Variants in ATP10B observed in about 807,000 individuals in gnomAD.
ATP10B encodes ATPase phospholipid transporting 10B (putative).
A neutral mutation model predicts 141.2 loss-of-function variants in ATP10B; 122 were observed. The ratio of observed to expected loss-of-function variants is 0.86; its 90% CI spans 0.75 to 1.00. The LOEUF (loss-of-function observed/expected upper bound fraction) is 1.00, where lower values mean the gene tolerates loss of function less well. Ranked by LOEUF, ATP10B falls within the 50% of genes least tolerant of loss-of-function variation. The pLI is 0.00. For missense variants in ATP10B, 1,876 were observed against 1,825.3 expected (o/e 1.03, Z -0.51); for synonymous variants, 685 against 692.0 (o/e 0.99, Z 0.16).
chr5:160,812,815 G>C (rs1229219885), intron 1 of ATP10B, among the ~76,000 whole-genome samples: 1 of 152,200 alleles, frequency 6.6e-6, no homozygotes, highest in Admixed American at 6.5e-5. Flanking sequence ...AAAAGTGATA[G>C]AGGAAGAGAT....
At chr5:160,863,762 A>T in the ATP10B span, among the ~76,000 whole-genome samples, 1 of 152,074 alleles carries the variant, frequency 6.6e-6, no homozygotes, top group African/African-American at 2.4e-5. Context: ...GAAACTAGAG[A>T]CATTACAATT....
At chr5:160,847,293 CA>C (rs1378430887) in intron 1 of ATP10B, among the ~76,000 whole-genome samples, 12 of 152,168 alleles carry the variant, frequency 7.9e-5, no homozygotes, top group Non-Finnish European at 8.8e-5. Context: ...AAAGACAATG[CA>C]AGCTATTTTA....
chr5:160,777,050 G>T (rs1770384239), intron 2 of ATP10B, among the ~76,000 whole-genome samples: 1 of 152,174 alleles, frequency 6.6e-6, no homozygotes. Context: ...CTGATGTGAT[G>T]GCAAATTATA....
At chr5:160,689,015 A>G (rs908404039) in intron 3 of ATP10B, 72 bp from the exon 4 acceptor site, 32 of 855,786 alleles carry the variant, frequency 3.7e-5, no homozygotes, top group Non-Finnish European at 4.5e-5. Flanking sequence ...CAGCACATCA[A>G]AAAGCTTGTC....
At chr5:160,652,710 A>G (rs1283906086) in intron 7 of ATP10B, among the ~76,000 whole-genome samples, 1 of 125,830 alleles carries the variant, frequency 7.9e-6, no homozygotes, top group East Asian at 2.2e-4. Context: ...ATATACATAT[A>G]TAATTTATAT....
chr5:160,672,830 G>A (rs1762797937), intron 6 of ATP10B, among the ~76,000 whole-genome samples: 1 of 152,190 alleles, frequency 6.6e-6, no homozygotes, highest in African/African-American at 2.4e-5. Context: ...AAAAGTCCCT[G>A]AGGAGGAAGA....
At chr5:160,773,256 C>A (rs1770039267) in intron 2 of ATP10B, among the ~76,000 whole-genome samples, 1 of 152,136 alleles carries the variant, frequency 6.6e-6, no homozygotes, top group Non-Finnish European at 1.5e-5. Flanking sequence ...TAGTCGTAGT[C>A]TTAGCTAATG....
chr5:160,766,810 G>A (rs1443332432), intron 2 of ATP10B, among the ~76,000 whole-genome samples: 2 of 152,092 alleles, frequency 1.3e-5, no homozygotes. Context: ...AAAAGAATTA[G>A]CTTTAGAAAA....
At chr5:160,764,438 A>G (rs1769262010) in intron 2 of ATP10B, among the ~76,000 whole-genome samples, 1 of 152,196 alleles carries the variant, frequency 6.6e-6, no homozygotes, top group South Asian at 2.1e-4. Flanking sequence ...GATACACCAC[A>G]TAAACAGAAG....
chr5:160,565,646 A>G lies in ATP10B; in HGVS notation c.4193T>C (p.Leu1398Pro). Residue 1398 changes from leucine (L) to proline (P), a missense_variant, in exon 26 of 26, where the codon CTC becomes CCC. Physicochemically the swap from Leu to Pro is moderately conservative, Grantham distance 98. Transcript: ENST00000327245. ...PKRKHVEESV[L>P]HEQRCGTECM... ...CTCCGTGCCACATCTCTGTTCGTGG[A>G]GTACTGACTCTTCCACATGCTTCCT... 6.2e-7 allele frequency: 1 copy of G among 1,614,052 alleles called. No homozygotes were observed.
In ATP10B at chr5:160,607,026, G is replaced by A. The variant is rs566862266; in HGVS notation, c.2899C>T (p.Gln967Ter). 2 of 1,614,156 alleles carry A rather than the reference G, an allele frequency of 1.2e-6. 1 individual carries two copies. Among genetic ancestry groups the A allele is most frequent in the South Asian group, 2.2e-5 (2 of 91,078 alleles). ...CCAAAGAGCTTGCGGTCTGGCTTCTGTAGTTCACGAAATTGCTTTAGCTCT... is the reference window on the plus strand; with the variant it reads ...CCAAAGAGCTTGCGGTCTGGCTTCTATAGTTCACGAAATTGCTTTAGCTCT... ...LEELKQFREL[Q>*]KPDRKLFGFR... is the part of the protein sequence containing the mutation. The change falls in exon 19 of 26, where the codon CAG (glutamine) becomes TAG (stop). Residue 967 changes from glutamine (Q) to a stop codon, truncating the protein, a stop_gained. Transcript: ENST00000327245. LOFTEE classifies it high-confidence loss of function.
intron 17 of ATP10B, chr5:160,613,944 A>G (rs1757861845): frequency 6.6e-6 from 1 of 152,180 alleles, no homozygotes; most frequent in African/African-American, 2.4e-5. Flanking sequence ...GAGTGACAAT[A>G]GGTTGGCAAA....
chr5:160,900,944 A>G, the ATP10B span, among the ~76,000 whole-genome samples: 2 of 114,698 alleles, frequency 1.7e-5, no homozygotes, highest in Non-Finnish European at 3.5e-5. Context: ...TAAGTCTTAT[A>G]ATCTCGGTTC....
At chr5:160,844,322 G>A (rs574904370) in intron 1 of ATP10B, among the ~76,000 whole-genome samples, 1 of 152,106 alleles carries the variant, frequency 6.6e-6, no homozygotes, top group African/African-American at 2.4e-5. Context: ...AGTAGAAAAT[G>A]TACGTAAGTT....
At chr5:160,715,687 G>GCTTTATTTATTT (rs1765587921) in intron 3 of ATP10B, among the ~76,000 whole-genome samples, 1 of 55,826 alleles carries the variant, frequency 1.8e-5, no homozygotes, top group African/African-American at 6.0e-5. Context: ...AATTTAGCTT[G>GCTTTATTTATTT]CTTTATTTAT....
At chr5:160,881,859 C>T in the ATP10B span, among the ~76,000 whole-genome samples, 9 of 151,876 alleles carry the variant, frequency 5.9e-5, no homozygotes, top group Admixed American at 2.0e-4. Context: ...AAAAGTTGGA[C>T]GCAACCAAGA....
chr5:160,780,725 GAATTC>G (rs1233424504), intron 2 of ATP10B, among the ~76,000 whole-genome samples: 2 of 152,044 alleles, frequency 1.3e-5, no homozygotes, highest in East Asian at 3.9e-4. Flanking sequence ...CAATTGTTTA[GAATTC>G]ATGATCTACT....
the ATP10B span, among the ~76,000 whole-genome samples, chr5:160,863,510 G>A: frequency 6.6e-6 from 1 of 151,862 alleles, no homozygotes; most frequent in South Asian, 2.1e-4. Flanking sequence ...CAAAAAGTGT[G>A]AAAAAGCATA....
chr5:160,599,008 A>C, intron 21 of ATP10B, 38 bp from the exon 22 acceptor site: 1 of 1,603,618 alleles, frequency 6.2e-7, no homozygotes, highest in Non-Finnish European at 8.5e-7. Context: ...GTGGGGCTCC[A>C]TGTGCAGCCG....
Sources: allele counts gnomAD v4.1 joint callset (sites outside exome capture counted in the v4.1 genomes callset), GRCh38; gene constraint gnomAD v4.1.1; transcripts MANE v1.5; gene names NCBI Gene and HGNC (gene_info 2026-07-23, HGNC 2026-07-21).